The following STK32C variants were observed in gnomAD, a reference collection of about 807,000 sequenced individuals.
STK32C encodes serine/threonine-protein kinase 32C.
In STK32C, 31 loss-of-function variants were observed where a neutral mutation model predicts 56.5. The observed-to-expected ratio is 0.55, with a 90% CI of 0.41 to 0.74. The LOEUF is 0.74. Ranked by LOEUF, STK32C falls within the 30% of genes least tolerant of loss-of-function variation. The probability of loss-of-function intolerance (pLI) is 0.00; values close to 1 mark genes in which losing one functional copy is unlikely to be tolerated. For synonymous variants in STK32C, 309 were observed against 289.4 expected (o/e 1.07, Z -0.69); for missense variants, 544 against 676.9 (o/e 0.80, Z 2.18).
At chr10:132,262,120 A>G (rs1440529157) in intron 1 of STK32C, among the ~76,000 whole-genome samples, 2 of 152,202 alleles carry the variant, frequency 1.3e-5, no homozygotes, top group Admixed American at 6.5e-5. Context: ...AGCAGAATAG[A>G]AAACCCCAAA....
At chr10:132,243,033 T>C (rs986672472) in intron 2 of STK32C, among the ~76,000 whole-genome samples, 13 of 152,232 alleles carry the variant, frequency 8.5e-5, no homozygotes, top group Admixed American at 7.2e-4. Context: ...TTGGGGTTCA[T>C]GCCCAGCCCA....
chr10:132,223,055 C>T (rs2062740449), intron 8 of STK32C, 69 bp from the exon 9 acceptor site: 2 of 1,507,292 alleles, frequency 1.3e-6, no homozygotes, highest in East Asian at 2.5e-5. Flanking sequence ...CCGCCACCCC[C>T]AGGCCAGGGC....
chr10:132,302,234 C>T (rs1349503998), intron 1 of STK32C, among the ~76,000 whole-genome samples: 3 of 152,240 alleles, frequency 2.0e-5, no homozygotes, highest in Admixed American at 1.3e-4. Context: ...AAGGCATCCT[C>T]GCATTACTTC....
At chr10:132,324,222 A>C (rs757796505) in exon 2 of STK32C, 10 of 779,674 alleles carry the variant, frequency 1.3e-5, no homozygotes, top group Non-Finnish European at 2.4e-5. Context: ...TGAGAAATTC[A>C]TTAACAATTC....
chr10:132,276,846 C>T (rs927841045), intron 1 of STK32C, among the ~76,000 whole-genome samples: 2 of 152,158 alleles, frequency 1.3e-5, no homozygotes, highest in Admixed American at 1.3e-4. Flanking sequence ...CAGCGTGGCC[C>T]ACGGTCCCCA....
intron 1 of STK32C, among the ~76,000 whole-genome samples, chr10:132,298,400 A>G (rs577959516): frequency 6.6e-6 from 1 of 152,336 alleles, no homozygotes; most frequent in African/African-American, 2.4e-5. Context: ...TGGGGCGAAG[A>G]AGCCGAGACT....
At chr10:132,282,033 G>T (rs886995574) in intron 1 of STK32C, among the ~76,000 whole-genome samples, 1 of 152,234 alleles carries the variant, frequency 6.6e-6, no homozygotes, top group Non-Finnish European at 1.5e-5. Flanking sequence ...CCTGATCCCG[G>T]CCTGGAGGCA....
intron 1 of STK32C, among the ~76,000 whole-genome samples, chr10:132,286,094 C>T (rs527513003): frequency 6.6e-6 from 1 of 151,912 alleles, no homozygotes; most frequent in African/African-American, 2.4e-5. Context: ...CCACTGCACT[C>T]CAGCCTGGGT....
chr10:132,259,808 C>A (rs1194416660), intron 1 of STK32C, among the ~76,000 whole-genome samples: 1 of 152,228 alleles, frequency 6.6e-6, no homozygotes. Flanking sequence ...CATTCCGGAG[C>A]GGCCCCTGCA....
chr10:132,270,656 C>T (rs773722440), intron 1 of STK32C, among the ~76,000 whole-genome samples: 8 of 152,218 alleles, frequency 5.3e-5, no homozygotes, highest in Non-Finnish European at 1.0e-4. Context: ...TTTGCTAGTG[C>T]TGCCTTGCAG....
At chr10:132,279,707 C>CGACACTCCACTCCATGATCAT (rs71472738) in intron 1 of STK32C, among the ~76,000 whole-genome samples, 1 of 146,948 alleles carries the variant, frequency 6.8e-6, no homozygotes, top group African/African-American at 2.6e-5. Flanking sequence ...TCCGTGATCA[C>CGACACTCCACTCCATGATCAT]GACACTCCAC....
intron 10 of STK32C, among the ~76,000 whole-genome samples, chr10:132,213,247 G>A (rs977935098): frequency 4.6e-5 from 7 of 152,220 alleles, no homozygotes; most frequent in Non-Finnish European, 8.8e-5. Flanking sequence ...TCACCTAAGG[G>A]GAGGGGAAAA....
intron 1 of STK32C, among the ~76,000 whole-genome samples, chr10:132,298,393 G>A (rs774751963): frequency 9.2e-5 from 14 of 152,264 alleles, no homozygotes; most frequent in Admixed American, 8.5e-4. Context: ...GGCCCAGTGG[G>A]GCGAAGAAGC....
intron 1 of STK32C, among the ~76,000 whole-genome samples, chr10:132,281,457 C>A (rs1347382236): frequency 6.6e-6 from 1 of 152,144 alleles, no homozygotes; most frequent in Non-Finnish European, 1.5e-5. Flanking sequence ...CCCGCTCCTG[C>A]TGGGTAAAAG....
downstream of STK32C, among the ~76,000 whole-genome samples, chr10:132,320,307 T>C (rs191980553): frequency 3.3e-5 from 5 of 152,128 alleles, no homozygotes; most frequent in East Asian, 9.7e-4. Flanking sequence ...AGACTGTGAT[T>C]AGTCATAACT....
At chr10:132,253,737 C>T (rs530365483) in intron 1 of STK32C, among the ~76,000 whole-genome samples, 10 of 152,354 alleles carry the variant, frequency 6.6e-5, no homozygotes, top group South Asian at 4.1e-4. Flanking sequence ...GGCCAAACAC[C>T]GGCTCGAGGC....
intron 1 of STK32C, among the ~76,000 whole-genome samples, chr10:132,247,092 G>A (rs986476495): frequency 1.3e-5 from 2 of 152,216 alleles, no homozygotes; most frequent in Non-Finnish European, 2.9e-5. Flanking sequence ...TAAAGGCAGG[G>A]AAGACACAGC....
intron 2 of STK32C, among the ~76,000 whole-genome samples, chr10:132,234,507 T>G (rs2063208646): frequency 6.6e-6 from 1 of 152,218 alleles, no homozygotes; most frequent in Non-Finnish European, 1.5e-5. Flanking sequence ...GCTCCTTCAC[T>G]CAGAGAGCTT....
intron 4 of STK32C, among the ~76,000 whole-genome samples, chr10:132,226,273 A>C (rs2062885681): frequency 1.3e-5 from 2 of 152,240 alleles, no homozygotes; most frequent in South Asian, 4.1e-4. Flanking sequence ...AGATATTTTC[A>C]TTTTGTTCCA....
Sources: allele counts gnomAD v4.1 joint callset (sites outside exome capture counted in the v4.1 genomes callset), GRCh38; gene constraint gnomAD v4.1.1; transcripts MANE v1.5; gene names NCBI Gene and HGNC (gene_info 2026-07-23, HGNC 2026-07-21).